DPP10: variants seen among roughly 807,000 people sequenced by gnomAD.
DPP10 encodes inactive dipeptidyl peptidase 10.
In DPP10, 33 loss-of-function variants were observed where a neutral mutation model predicts 120.9. The observed-to-expected ratio is 0.27, with a 90% CI of 0.21 to 0.37. The LOEUF (loss-of-function observed/expected upper bound fraction) is 0.37. DPP10 is among the 10% of genes least tolerant of loss of function. The pLI, the probability that DPP10 is intolerant of heterozygous loss-of-function variation, is 1.00. For missense variants in DPP10, 816 were observed against 942.8 expected, an observed-to-expected ratio of 0.87 and a Z score of 1.76; for synonymous variants, 337 against 326.1, an observed-to-expected ratio of 1.03 and a Z score of -0.36.
At chr2:115,003,179 A>AG (rs1404585820) in intron 1 of DPP10, among the ~76,000 whole-genome samples, 1 of 151,140 alleles carries the variant, frequency 6.6e-6, no homozygotes, top group Non-Finnish European at 1.5e-5. Context: ...GTAGCTATAA[A>AG]AAAAAAAAAA....
intron 1 of DPP10, among the ~76,000 whole-genome samples, chr2:115,307,986 T>C (rs1389589231): frequency 1.3e-5 from 2 of 152,078 alleles, no homozygotes; most frequent in Non-Finnish European, 2.9e-5. Context: ...CTGGATTTGG[T>C]TTATCAGAAT....
At chr2:114,969,501 G>A (rs983728585) in intron 1 of DPP10, among the ~76,000 whole-genome samples, 18 of 152,150 alleles carry the variant, frequency 1.2e-4, no homozygotes, top group African/African-American at 3.9e-4. Flanking sequence ...CTAAATTAAA[G>A]GAATGAGTCA....
chr2:115,278,504 G>A (rs758407444), intron 1 of DPP10, among the ~76,000 whole-genome samples: 2 of 152,050 alleles, frequency 1.3e-5, no homozygotes, highest in Non-Finnish European at 2.9e-5. Context: ...AAAGGTTTTG[G>A]TGCTCATGGT....
chr2:115,418,547 G>A (rs2069639195), intron 3 of DPP10, among the ~76,000 whole-genome samples: 1 of 152,110 alleles, frequency 6.6e-6, no homozygotes, highest in Non-Finnish European at 1.5e-5. Flanking sequence ...GAGGCAGGAG[G>A]ATTGCTTGAG....
At chr2:115,173,540 T>C (rs577256995) in intron 1 of DPP10, among the ~76,000 whole-genome samples, 1 of 152,206 alleles carries the variant, frequency 6.6e-6, no homozygotes, top group South Asian at 2.1e-4. Context: ...TCGTTCCTGT[T>C]GTACAGTACC....
intron 1 of DPP10, among the ~76,000 whole-genome samples, chr2:114,757,317 AAGG>A (rs1308643254): frequency 7.3e-4 from 100 of 137,336 alleles, no homozygotes; most frequent in African/African-American, 2.5e-3. Context: ...GGAAGGGAGA[AAGG>A]AGGGAAGGAA....
intron 1 of DPP10, among the ~76,000 whole-genome samples, chr2:115,021,080 A>G (rs1184464667): frequency 6.6e-6 from 1 of 152,088 alleles, no homozygotes; most frequent in Non-Finnish European, 1.5e-5. Flanking sequence ...AAGAGCACAA[A>G]TAGACAATCT....
At position 114,492,133 on chromosome 2, in the gene DPP10, C is replaced by A. The variant is rs1422893705; in HGVS notation, c.60+49295C>A. On this transcript the variant is annotated intron_variant, in intron 1 of 25. Transcript: ENST00000410059. Reference sequence around the variant, plus strand: ...CATCAGTTGAAAGTGTTTGTTACAGCTGAATTGACTTGTGCATTCATACTC... The same window carrying A: ...CATCAGTTGAAAGTGTTTGTTACAGATGAATTGACTTGTGCATTCATACTC... Among the ~76,000 whole-genome samples, 5 of 152,074 alleles carry A rather than the reference C, an allele frequency of 3.3e-5. No individual in the cohort carries two copies. In the South Asian group the frequency reaches 6.2e-4, roughly 19 times the overall value.
At chr2:114,583,110 T>G (rs932929215) in intron 1 of DPP10, among the ~76,000 whole-genome samples, 1 of 152,264 alleles carries the variant, frequency 6.6e-6, no homozygotes, top group Non-Finnish European at 1.5e-5. Flanking sequence ...CTCTTCTTTC[T>G]CTATATTAGC....
intron 1 of DPP10, among the ~76,000 whole-genome samples, chr2:115,062,735 G>A (rs1480245994): frequency 6.6e-6 from 1 of 152,078 alleles, no homozygotes; most frequent in African/African-American, 2.4e-5. Flanking sequence ...CCTTTTTATG[G>A]CTGCATAGTA....
At chr2:115,526,430 C>A (rs2078138360) in intron 5 of DPP10, 1 of 152,518 alleles carries the variant, frequency 6.6e-6, no homozygotes, top group Admixed American at 6.6e-5. Flanking sequence ...ATTTGATTGT[C>A]AGCTTGGGGT....
chr2:114,860,133 A>T (rs534076445), intron 1 of DPP10, among the ~76,000 whole-genome samples: 1 of 152,340 alleles, frequency 6.6e-6, no homozygotes, highest in African/African-American at 2.4e-5. Flanking sequence ...AACCTACAGG[A>T]ATTAACCACA....
intron 4 of DPP10, among the ~76,000 whole-genome samples, chr2:115,521,691 C>T (rs894799945): frequency 2.0e-5 from 3 of 150,936 alleles, no homozygotes; most frequent in African/African-American, 7.3e-5. Flanking sequence ...AACTTTGTAA[C>T]ATTGCTTTCT....
intron 1 of DPP10, among the ~76,000 whole-genome samples, chr2:114,871,509 A>G (rs1222629068): frequency 6.6e-6 from 1 of 152,222 alleles, no homozygotes; most frequent in Non-Finnish European, 1.5e-5. Context: ...GAGAAGATCT[A>G]ATAAAGGAAG....
At chr2:114,557,768 G>A (rs1009437326) in intron 1 of DPP10, among the ~76,000 whole-genome samples, 1 of 152,074 alleles carries the variant, frequency 6.6e-6, no homozygotes, top group Non-Finnish European at 1.5e-5. Flanking sequence ...AACAATGAAA[G>A]GAAAAAGTGT....
chr2:114,903,662 A>C (rs1262174224), intron 1 of DPP10, among the ~76,000 whole-genome samples: 1 of 152,214 alleles, frequency 6.6e-6, no homozygotes, highest in Non-Finnish European at 1.5e-5. Context: ...TCTCCACAAA[A>C]TTATATGTTG....
intron 8 of DPP10, among the ~76,000 whole-genome samples, chr2:115,730,799 G>A (rs1313359793): frequency 6.6e-6 from 1 of 152,150 alleles, no homozygotes; most frequent in Non-Finnish European, 1.5e-5. Flanking sequence ...TAGGTCTGAC[G>A]CATTCCAAAG....
chr2:115,733,730 G>A (rs916740806), intron 8 of DPP10, among the ~76,000 whole-genome samples: 20 of 152,192 alleles, frequency 1.3e-4, no homozygotes, highest in African/African-American at 4.1e-4. Flanking sequence ...AAACACAATC[G>A]TTGTATCTCA....
chr2:114,981,782 T>TTG (rs1700107774), intron 1 of DPP10, among the ~76,000 whole-genome samples: 1 of 151,650 alleles, frequency 6.6e-6, no homozygotes, highest in African/African-American at 2.4e-5. Context: ...TGTTTTTGTT[T>TTG]TTTTTTTTAG....
Sources: allele counts gnomAD v4.1 joint callset (sites outside exome capture counted in the v4.1 genomes callset), GRCh38; gene constraint gnomAD v4.1.1; transcripts MANE v1.5; gene names NCBI Gene and HGNC (gene_info 2026-07-23, HGNC 2026-07-21).